Variants in NOL10 observed in about 807,000 individuals in gnomAD.
The protein encoded by NOL10 is nucleolar protein 10.
In NOL10, 58 loss-of-function variants were observed where a neutral mutation model predicts 103.5. The observed-to-expected ratio is 0.56, with a 90% CI of 0.45 to 0.70. NOL10 has a LOEUF of 0.70. NOL10 is among the 30% of genes least tolerant of loss of function. NOL10 has a pLI of 0.00. For synonymous variants in NOL10, 287 were observed against 282.5 expected (o/e 1.02, Z -0.16); for missense variants, 763 against 807.3 (o/e 0.95, Z 0.67).
chr2:10,589,331 TCAAA>T (rs1675282014), intron 18 of NOL10, 41 bp from the exon 19 acceptor site: 1 of 1,606,478 alleles, frequency 6.2e-7, no homozygotes, highest in Non-Finnish European at 8.5e-7. Context: ...TTTCCCCCAG[TCAAA>T]CACAGACCCC....
At chr2:10,593,625 T>C (rs1007140087) in intron 17 of NOL10, among the ~76,000 whole-genome samples, 1 of 152,024 alleles carries the variant, frequency 6.6e-6, no homozygotes, top group Non-Finnish European at 1.5e-5. Context: ...ATAGGGGTAA[T>C]AAAAATTTGG....
At chr2:10,661,147 C>T (rs1007800182) in intron 9 of NOL10, among the ~76,000 whole-genome samples, 3 of 152,190 alleles carry the variant, frequency 2.0e-5, no homozygotes, top group Admixed American at 1.3e-4. Flanking sequence ...ATGATCTTGG[C>T]TCACTGCAAC....
At chr2:10,591,796 A>G (rs1675402036) in intron 17 of NOL10, among the ~76,000 whole-genome samples, 1 of 151,950 alleles carries the variant, frequency 6.6e-6, no homozygotes, top group Non-Finnish European at 1.5e-5. Flanking sequence ...TTGAGGCCAG[A>G]AGTTCAAGAC....
chr2:10,613,146 T>A (rs1302706010), intron 13 of NOL10, among the ~76,000 whole-genome samples: 2 of 152,208 alleles, frequency 1.3e-5, no homozygotes, highest in Non-Finnish European at 2.9e-5. Flanking sequence ...TTTAATTCAA[T>A]TTTTATTCAT....
At position 10,613,465 on chromosome 2, in the gene NOL10, C is replaced by G. The variant is rs185185265; in HGVS notation, c.1027-6154G>C. On this transcript the variant is annotated intron_variant, in intron 13 of 20. Transcript: ENST00000381685. ...AAGCCCTTTATCTGCTGAGGCCGAT[C>G]AAGATAGCTTTGCAAGGGGCACTTG... Among the ~76,000 whole-genome samples the G allele has an allele frequency of 2.0e-3, 306 of 152,304 alleles. 9 individuals are homozygous for G. The highest frequency in any genetic ancestry group is 3.1e-4 in the Non-Finnish European group (21 of 68,022).
intron 18 of NOL10, 94 bp from the exon 19 acceptor site, chr2:10,589,384 C>T: frequency 6.7e-7 from 1 of 1,500,212 alleles, no homozygotes; most frequent in Non-Finnish European, 9.0e-7. Context: ...TTAATGAGTG[C>T]CTAACAGCTG....
At chr2:10,663,170 T>TGG in intron 8 of NOL10, 126 bp from the exon 9 acceptor site, 2 of 646,306 alleles carry the variant, frequency 3.1e-6, no homozygotes, top group East Asian at 5.8e-5. Flanking sequence ...AGTTTGAGAC[T>TGG]AGTCTGACTA....
At chr2:10,573,054 G>T (rs7571318) in intron 20 of NOL10, among the ~76,000 whole-genome samples, 36,909 of 150,634 alleles carry the variant, frequency 0.25, 6,297 homozygotes, top group African/African-American at 0.45. Flanking sequence ...AACTCCTGAA[G>T]GTAAAGCTCA....
chr2:10,621,325 G>A (rs1677132707), intron 13 of NOL10, among the ~76,000 whole-genome samples: 1 of 152,170 alleles, frequency 6.6e-6, no homozygotes, highest in Non-Finnish European at 1.5e-5. Flanking sequence ...GGGATGTGGT[G>A]GCTCAGGCCT....
At chr2:10,594,649 A>T (rs1397007757) in intron 17 of NOL10, among the ~76,000 whole-genome samples, 1 of 152,176 alleles carries the variant, frequency 6.6e-6, no homozygotes, top group Non-Finnish European at 1.5e-5. Flanking sequence ...GTACACAAAG[A>T]TTGAACAAGA....
chr2:10,667,658 T>C (rs897766018), intron 7 of NOL10, among the ~76,000 whole-genome samples: 2 of 152,212 alleles, frequency 1.3e-5, no homozygotes, highest in Admixed American at 6.5e-5. Flanking sequence ...GACAGGCTTG[T>C]CCTGGGTACA....
chr2:10,647,142 G>A (rs1444414473), intron 12 of NOL10, among the ~76,000 whole-genome samples: 3 of 152,156 alleles, frequency 2.0e-5, no homozygotes, highest in Admixed American at 6.5e-5. Flanking sequence ...AGCACCTGGA[G>A]TCAAAAGAAC....
chr2:10,687,659 T>C (rs1429035412), intron 1 of NOL10, among the ~76,000 whole-genome samples: 3 of 152,184 alleles, frequency 2.0e-5, no homozygotes, highest in South Asian at 2.1e-4. Flanking sequence ...ATGTTCACTA[T>C]TGAAAATAAA....
chr2:10,630,606 T>C (rs899245510), intron 13 of NOL10, among the ~76,000 whole-genome samples: 1 of 152,094 alleles, frequency 6.6e-6, no homozygotes, highest in Non-Finnish European at 1.5e-5. Context: ...TCCCAGCTAC[T>C]TGGGAGGCTG....
In NOL10 at chr2:10,675,820, T is replaced by G; in HGVS notation, c.263A>C (p.Lys88Thr). The change falls in exon 4 of 21, where the codon AAG (lysine) becomes ACG (threonine). Residue 88 changes from lysine to threonine, a missense_variant. Lys to Thr is a moderately conservative substitution (Grantham distance 78). Coordinates refer to ENST00000381685, the MANE Select transcript of NOL10 (RefSeq NM_024894.4). ...RCYDTYQLSLKFERCLDSEVV... is the reference protein window; with the variant it reads ...RCYDTYQLSLTFERCLDSEVV... Reference sequence around the variant, plus strand: ...TTCTGAATCTAAACACCTTTCAAACTTCAAGGATAATTGATAGGTGTCATA... The same window carrying G: ...TTCTGAATCTAAACACCTTTCAAACGTCAAGGATAATTGATAGGTGTCATA... The G allele has an allele frequency of 6.3e-7, 1 of 1,579,030 alleles. No homozygotes were observed. Among genetic ancestry groups the G allele is most frequent in the Non-Finnish European group, 8.6e-7 (1 of 1,159,566 alleles).
At chr2:10,682,897 G>C (rs949598231) in intron 2 of NOL10, among the ~76,000 whole-genome samples, 4 of 152,034 alleles carry the variant, frequency 2.6e-5, no homozygotes, top group African/African-American at 9.7e-5. Flanking sequence ...CAATTCTCCT[G>C]CCTCAGCTTC....
chr2:10,636,256 A>C (rs1678204329), intron 13 of NOL10, among the ~76,000 whole-genome samples: 1 of 151,820 alleles, frequency 6.6e-6, no homozygotes, highest in Non-Finnish European at 1.5e-5. Flanking sequence ...AACAACATAT[A>C]CTCTGGATAG....
At chr2:10,628,027 C>T (rs1487719727) in intron 13 of NOL10, among the ~76,000 whole-genome samples, 2 of 152,112 alleles carry the variant, frequency 1.3e-5, no homozygotes, top group East Asian at 1.9e-4. Context: ...CTGTGAAAGG[C>T]GAGTGCTTCA....
intron 1 of NOL10, among the ~76,000 whole-genome samples, chr2:10,688,634 C>T (rs1387567): frequency 0.99 from 151,178 of 152,376 alleles, 75,005 homozygotes; most frequent in East Asian, 1. Flanking sequence ...TAATCATTCA[C>T]CACGAAAAGT....
Sources: allele counts gnomAD v4.1 joint callset (sites outside exome capture counted in the v4.1 genomes callset), GRCh38; gene constraint gnomAD v4.1.1; transcripts MANE v1.5; gene names NCBI Gene and HGNC (gene_info 2026-07-23, HGNC 2026-07-21).